Variants in UBAP2 observed in about 807,000 individuals in gnomAD.
UBAP2 encodes the protein ubiquitin associated protein 2.
Under a neutral mutation model 139.6 loss-of-function variants are expected in UBAP2, and 75 were observed. The observed-to-expected ratio is 0.54, with a 90% CI of 0.45 to 0.65. The LOEUF (loss-of-function observed/expected upper bound fraction) is 0.65, where lower values mean the gene tolerates loss of function less well. UBAP2 is among the 30% of genes least tolerant of loss of function. The pLI is 0.00. For missense variants in UBAP2, 1,368 were observed against 1,369.6 expected (o/e 1.00, Z 0.02); for synonymous variants, 526 against 526.2 (o/e 1.00, Z 0.01).
At chr9:34,027,682 C>T (rs191804908) in intron 1 of UBAP2, among the ~76,000 whole-genome samples, 4 of 146,258 alleles carry the variant, frequency 2.7e-5, no homozygotes, top group East Asian at 2.0e-4. Context: ...ACGGCGAAAC[C>T]CCATCTCTAC....
At chr9:33,968,049 T>G (rs776763676) in intron 8 of UBAP2, 2 of 431,162 alleles carry the variant, frequency 4.6e-6, no homozygotes, top group Non-Finnish European at 9.1e-6. Context: ...CAGTATCCAT[T>G]GATTTCTTCT....
rs1827062626 is a variant in UBAP2, at chr9:33,961,730, A to T, written c.746-852T>A. Among the ~76,000 whole-genome samples, 4 of 152,270 alleles carry T rather than the reference A, an allele frequency of 2.6e-5. No homozygotes were observed. In the South Asian group the frequency reaches 8.3e-4, roughly 32 times the overall value. The stretch of plus-strand genomic sequence containing the variant: ...TTAATCATCTGACAAACAAAATTCC[A>T]TTTCTCTCCAAAAGTTGTGTATGGA... On this transcript the variant is annotated intron_variant, in intron 9 of 28. Coordinates refer to ENST00000379238, the MANE Select transcript of UBAP2 (RefSeq NM_001370062.2).
chr9:33,945,695 A>G (rs1465287630), intron 13 of UBAP2, among the ~76,000 whole-genome samples: 1 of 152,192 alleles, frequency 6.6e-6, no homozygotes, highest in African/African-American at 2.4e-5. Flanking sequence ...CACACACTAT[A>G]TACCTTACTG....
intron 1 of UBAP2, among the ~76,000 whole-genome samples, chr9:34,031,370 G>A (rs1825875043): frequency 6.6e-6 from 1 of 151,888 alleles, no homozygotes; most frequent in Non-Finnish European, 1.5e-5. Flanking sequence ...GCATGTGTCT[G>A]TAATCTTGGC....
At chr9:33,966,678 G>A (rs1470584940) in intron 8 of UBAP2, among the ~76,000 whole-genome samples, 3 of 151,980 alleles carry the variant, frequency 2.0e-5, no homozygotes, top group African/African-American at 7.3e-5. Flanking sequence ...CATATACGTA[G>A]TCAGAAATAA....
At chr9:33,956,056 A>G (rs1012088333) in intron 11 of UBAP2, 23 bp downstream of exon 11, 2 of 1,588,330 alleles carry the variant, frequency 1.3e-6, no homozygotes, top group Non-Finnish European at 8.6e-7. Context: ...AATAACAAAT[A>G]TAAGATGGCA....
intron 1 of UBAP2, among the ~76,000 whole-genome samples, chr9:34,038,934 C>A (rs1486420632): frequency 2.3e-5 from 3 of 130,396 alleles, no homozygotes; most frequent in Non-Finnish European, 5.6e-5. Context: ...GCCCCGCCAC[C>A]CCATCTGGGA....
chr9:33,998,329 T>C (rs1385249495), intron 3 of UBAP2: 1 of 154,494 alleles, frequency 6.5e-6, no homozygotes, highest in African/African-American at 2.4e-5. Flanking sequence ...GCCTAGGAGT[T>C]TGAGGCTGCA....
At chr9:33,992,144 C>T in intron 4 of UBAP2, among the ~76,000 whole-genome samples, 1 of 151,956 alleles carries the variant, frequency 6.6e-6, no homozygotes, top group Non-Finnish European at 1.5e-5. Flanking sequence ...AATCCCACCA[C>T]TTTGGGAGGC....
intron 1 of UBAP2, among the ~76,000 whole-genome samples, chr9:34,028,361 C>CTTATTTATTTAT (rs143612468): frequency 0.18 from 26,202 of 143,916 alleles, 3,028 homozygotes; most frequent in Non-Finnish European, 0.25. Context: ...TAAACCCTGT[C>CTTATTTATTTAT]TTATTTATTT....
In UBAP2 at chr9:34,017,092, A is replaced by T; in HGVS notation, c.57T>A (p.Ile19=). 6.2e-7 allele frequency: 1 copy of T among 1,612,570 alleles called. No individual in the cohort carries two copies. Among genetic ancestry groups the T allele is most frequent in the African/African-American group, 1.3e-5 (1 of 74,984 alleles). ...GTGGTTGCGTTGATTGTGCTGCTGA[A>T]ATCTGTGGTTTTTCCCGAGCACCTC... ...HCRGAREKPQ[I]SAAQSTQPQK... The change falls in exon 2 of 29, where the codon ATT becomes ATA. Residue 19 remains isoleucine, a synonymous_variant. Transcript: ENST00000379238.
intron 13 of UBAP2, among the ~76,000 whole-genome samples, 154 bp downstream of exon 13, chr9:33,948,220 C>A (rs1194314702): frequency 1.3e-5 from 2 of 152,032 alleles, no homozygotes; most frequent in East Asian, 3.8e-4. Flanking sequence ...TATTGTATAA[C>A]AAAGGAAGAC....
At chr9:33,923,658 G>GAAGTGACCTTGT in intron 24 of UBAP2, 137 bp downstream of exon 24, 1 of 1,096,370 alleles carries the variant, frequency 9.1e-7, no homozygotes, top group South Asian at 1.4e-5. Context: ...CTTGTCCCCA[G>GAAGTGACCTTGT]CCTGAACAGT....
intron 1 of UBAP2, among the ~76,000 whole-genome samples, chr9:34,031,525 T>A (rs1371246515): frequency 6.6e-6 from 1 of 151,664 alleles, no homozygotes; most frequent in Non-Finnish European, 1.5e-5. Flanking sequence ...CAGGCTGGTC[T>A]CAAACTCCTG....
At chr9:33,930,807 G>A (rs1227844369) in intron 19 of UBAP2, among the ~76,000 whole-genome samples, 3 of 150,250 alleles carry the variant, frequency 2.0e-5, no homozygotes, top group Non-Finnish European at 4.4e-5. Context: ...GAGGCAGGAG[G>A]ATCGCTTGAA....
At chr9:33,974,795 T>C (rs2131068338) in intron 6 of UBAP2, among the ~76,000 whole-genome samples, 1 of 151,210 alleles carries the variant, frequency 6.6e-6, no homozygotes, top group South Asian at 2.1e-4. Flanking sequence ...CTAATAAAAA[T>C]ACAAAAATTA....
chr9:33,943,340 A>ACC, intron 15 of UBAP2, 80 bp downstream of exon 15: 1 of 1,416,468 alleles, frequency 7.1e-7, no homozygotes, highest in Non-Finnish European at 9.7e-7. Flanking sequence ...GATAGCTATT[A>ACC]CCACAGGATG....
intron 16 of UBAP2, 104 bp downstream of exon 16, chr9:33,941,545 T>A (rs1825201586): frequency 9.8e-7 from 1 of 1,015,690 alleles, no homozygotes; most frequent in South Asian, 1.5e-5. Flanking sequence ...AAAAGGTTAG[T>A]CAATTTGTAA....
At chr9:34,038,143 G>GAAA (rs78650365) in intron 1 of UBAP2, among the ~76,000 whole-genome samples, 301 of 127,100 alleles carry the variant, frequency 2.4e-3, no homozygotes, top group Middle Eastern at 4.1e-3. Context: ...TCCAGCCTGG[G>GAAA]AAAAAAAAAA....
Sources: allele counts gnomAD v4.1 joint callset (sites outside exome capture counted in the v4.1 genomes callset), GRCh38; gene constraint gnomAD v4.1.1; transcripts MANE v1.5; gene names NCBI Gene and HGNC (gene_info 2026-07-23, HGNC 2026-07-21).